The following CCDC42 variants were observed in gnomAD, a reference collection of about 807,000 sequenced individuals.
The protein encoded by CCDC42 is coiled-coil domain containing 42.
Under a neutral mutation model 40.8 loss-of-function variants are expected in CCDC42, and 38 were observed. The observed-to-expected ratio is 0.93, with a 90% CI of 0.72 to 1.22. CCDC42 has a LOEUF of 1.22. Ranked by LOEUF, CCDC42 falls within the 50% of genes most tolerant of loss-of-function variation. The pLI, the probability that CCDC42 is intolerant of heterozygous loss-of-function variation, is 0.00. For missense variants in CCDC42, 379 were observed against 416.5 expected, an observed-to-expected ratio of 0.91 and a Z score of 0.78; for synonymous variants, 135 against 157.5, an observed-to-expected ratio of 0.86 and a Z score of 1.07.
At chr17:8,743,785 C>T (rs749468444) in intron 2 of CCDC42, 55 bp from the exon 3 acceptor site, 15 of 1,015,694 alleles carry the variant, frequency 1.5e-5, no homozygotes, top group Non-Finnish European at 2.3e-5. Flanking sequence ...GACATGAGTA[C>T]CAAGGAAGAC....
chr17:8,737,636 G>A (rs1005944506), intron 4 of CCDC42, among the ~76,000 whole-genome samples: 3 of 152,136 alleles, frequency 2.0e-5, no homozygotes, highest in African/African-American at 7.2e-5. Flanking sequence ...CGACCAGTGA[G>A]GAAACCAATA....
At position 8,744,085 on chromosome 17, in the gene CCDC42, C is replaced by A; in HGVS notation, c.183G>T (p.Lys61Asn). Residue 61 changes from lysine to asparagine, a missense_variant, in exon 2 of 7, where the codon AAG becomes AAT. Lys to Asn is a moderately conservative substitution (Grantham distance 94). Coordinates refer to ENST00000293845, the MANE Select transcript of CCDC42 (RefSeq NM_144681.3). ...TCCATCCCTGAGTCCCCACCTTCTT[C>A]TTCTGCACCATAGTTTGATGCATGA... ...TEIMHQTMVQ[K>N]KKMFQRRMET... 1.9e-6 allele frequency: 3 copies of A among 1,612,256 alleles called. No homozygotes were observed. The highest frequency in any genetic ancestry group is 2.5e-6 in the Non-Finnish European group (3 of 1,178,802).
chr17:8,730,661 C>G (rs2086575088), intron 6 of CCDC42, among the ~76,000 whole-genome samples: 1 of 152,140 alleles, frequency 6.6e-6, no homozygotes. Flanking sequence ...CTTGAGGAGG[C>G]CACTTTCTCT....
intron 2 of CCDC42, 46 bp downstream of exon 2, chr17:8,744,033 C>A: frequency 2.1e-6 from 3 of 1,416,292 alleles, no homozygotes; most frequent in Non-Finnish European, 3.0e-6. Flanking sequence ...CCCCAGCCCA[C>A]CCCCTTCCTT....
chr17:8,735,109 T>C lies in CCDC42; in HGVS notation c.860A>G (p.Lys287Arg). ...VTEVALEDTHKQLDMIQQFIQ... is the reference protein window; with the variant it reads ...VTEVALEDTHRQLDMIQQFIQ... The stretch of plus-strand genomic sequence containing the variant: ...CCCTCCTCCTACCATGTCCAGCTGC[T>C]TGTGGGTGTCCTCCAGTGCCACCTC... Residue 287 changes from lysine (K) to arginine (R), a missense_variant, in exon 6 of 7, where the codon AAG becomes AGG. Coordinates refer to ENST00000293845, the MANE Select transcript of CCDC42 (RefSeq NM_144681.3). This position sits in a 1 kb window ranked among gnomAD's most constrained non-coding sequence, Gnocchi z 4.7. 6.2e-7 allele frequency: 1 copy of C among 1,614,142 alleles called. No individual in the cohort carries two copies. The highest frequency in any genetic ancestry group is 8.5e-7 in the Non-Finnish European group (1 of 1,180,008).
chr17:8,736,297 G>C (rs2152142981), intron 4 of CCDC42, among the ~76,000 whole-genome samples: 1 of 152,330 alleles, frequency 6.6e-6, no homozygotes, highest in East Asian at 1.9e-4. Context: ...CTTCACGTTG[G>C]TGATCTCTGG....
intron 4 of CCDC42, among the ~76,000 whole-genome samples, chr17:8,741,052 A>G (rs1487192641): frequency 2.6e-5 from 4 of 152,108 alleles, no homozygotes; most frequent in Admixed American, 2.0e-4. Flanking sequence ...CAGTAAACAG[A>G]AGACACTGAG....
At chr17:8,744,206 G>C (rs1329163871) in intron 1 of CCDC42, 22 bp from the exon 2 acceptor site, 1 of 1,579,170 alleles carries the variant, frequency 6.3e-7, no homozygotes, top group Non-Finnish European at 8.7e-7. Context: ...GTGAACGCGA[G>C]AGGGCTGTGT....
At position 8,744,561 on chromosome 17, in the gene CCDC42, G is replaced by A; in HGVS notation, c.49C>T (p.Leu17=). The change falls in exon 1 of 7, where the codon CTG becomes TTG. Residue 17 remains leucine (L), a synonymous_variant. Coordinates refer to ENST00000293845, the MANE Select transcript of CCDC42 (RefSeq NM_144681.3). ...TGCAGCAGCCGCTCCCCATACTGCA[G>A]CCGGAAGTACTCGGCCAGGTCTTCC... ...EEEDLAEYFR[L]QYGERLLQML... 1.2e-6 allele frequency: 2 copies of A among 1,612,580 alleles called. No individual in the cohort carries two copies. Among genetic ancestry groups the A allele is most frequent in the Non-Finnish European group, 1.7e-6 (2 of 1,180,000 alleles).
In CCDC42 at chr17:8,730,005, G is replaced by T; in HGVS notation, c.*125C>A. The T allele has an allele frequency of 1.3e-6, 1 of 770,458 alleles. No homozygotes were observed. The highest frequency in any genetic ancestry group is 2.2e-6 in the Non-Finnish European group (1 of 444,620). 47.7% of individuals were successfully genotyped at this position (770,458 alleles called of 1,614,324 possible). ...GAGTGAGGCCCACGGGGGAAAATAAGCAGGTGTCCCTCAGCAGGAAGGCAC... is the reference window on the plus strand; with the variant it reads ...GAGTGAGGCCCACGGGGGAAAATAATCAGGTGTCCCTCAGCAGGAAGGCAC... On this transcript the variant is annotated 3_prime_UTR_variant, in exon 7 of 7. Coordinates refer to ENST00000293845, the MANE Select transcript of CCDC42 (RefSeq NM_144681.3).
In CCDC42 at chr17:8,733,321, C is replaced by T. The variant is rs559966922; in HGVS notation, c.873+1775G>A. Among the ~76,000 whole-genome samples, 39 of 152,230 alleles carry T rather than the reference C, an allele frequency of 2.6e-4. No individual in the cohort carries two copies. In the Middle Eastern group the frequency reaches 0.01, roughly 40 times the overall value. Reference sequence around the variant, plus strand: ...TTTCCGTGAGTAGGTTCATCTCCTACGGGAATGAAGTGAGATATTTTCTAA... The same window carrying T: ...TTTCCGTGAGTAGGTTCATCTCCTATGGGAATGAAGTGAGATATTTTCTAA... On this transcript the variant is annotated intron_variant, in intron 6 of 6. Coordinates refer to ENST00000293845, the MANE Select transcript of CCDC42 (RefSeq NM_144681.3).
rs200645490 is a variant in CCDC42 at position 8,744,225 on chromosome 17, A to G, written c.84-41T>C. 37 of 1,502,988 alleles carry G rather than the reference A, an allele frequency of 2.5e-5. 1 individual carries two copies. The highest frequency in any genetic ancestry group is 1.4e-4 in the Admixed American group (8 of 58,198). The allele number at this position is 1,502,988 out of a possible 1,614,324, so 93.1% of individuals were successfully genotyped here. ...ACGCGAGAGGGCTGTGTGTTCTGAC[A>G]TGGGGTAGGCTGGGGCTGGGAGTAA... On this transcript the variant is annotated intron_variant, in intron 1 of 6. Coordinates refer to ENST00000293845, the MANE Select transcript of CCDC42 (RefSeq NM_144681.3).
chr17:8,731,968 T>C (rs375528321), intron 6 of CCDC42, among the ~76,000 whole-genome samples: 16 of 141,724 alleles, frequency 1.1e-4, no homozygotes, highest in East Asian at 6.3e-4. Flanking sequence ...ATCGAGACCA[T>C]CCTGACTAAC....
intron 4 of CCDC42, among the ~76,000 whole-genome samples, chr17:8,738,675 A>G (rs1323621213): frequency 2.0e-5 from 3 of 152,158 alleles, no homozygotes; most frequent in Admixed American, 2.0e-4. Flanking sequence ...CGTGTTGGCC[A>G]GGGTGGTCTC....
intron 6 of CCDC42, among the ~76,000 whole-genome samples, chr17:8,732,294 G>A (rs112094919): frequency 0.43 from 40,609 of 93,840 alleles, 7,693 homozygotes; most frequent in Middle Eastern, 0.54. Context: ...GTGAGACTCC[G>A]TCTCAAAAAA....
intron 4 of CCDC42, among the ~76,000 whole-genome samples, chr17:8,737,656 C>T (rs1014540873): frequency 6.6e-6 from 1 of 152,162 alleles, no homozygotes; most frequent in Non-Finnish European, 1.5e-5. Context: ...ATTCTGACTT[C>T]TATCAATAAA....
At chr17:8,738,341 G>A (rs374646483) in intron 4 of CCDC42, among the ~76,000 whole-genome samples, 1 of 152,242 alleles carries the variant, frequency 6.6e-6, no homozygotes, top group African/African-American at 2.4e-5. Context: ...ATCATTATTA[G>A]AATCAGGTAA....
chr17:8,743,985 C>G lies in CCDC42; in HGVS notation c.189+94G>C, dbSNP rs182712909. 1.5e-4 allele frequency: 150 copies of G among 1,000,244 alleles called. 1 individual carries two copies. In the East Asian group the frequency reaches 3.4e-3, roughly 23 times the overall value. 62.0% of individuals were successfully genotyped at this position (1,000,244 alleles called of 1,614,324 possible). A position where few individuals can be genotyped will look rare whatever the true frequency, so the allele number is the denominator to read the frequency against. On this transcript the variant is annotated intron_variant, in intron 2 of 6. Transcript: ENST00000293845. ...AGGACTCCTGGCTCTAGCCACCCCA[C>G]TCAGACAATGGAGGGCTGTCCACAG...
At chr17:8,736,610 G>A (rs537409029) in intron 4 of CCDC42, among the ~76,000 whole-genome samples, 27 of 152,312 alleles carry the variant, frequency 1.8e-4, no homozygotes, top group African/African-American at 5.8e-4. Context: ...TGATGGATGC[G>A]TGTCCTGGGA....
Sources: allele counts gnomAD v4.1 joint callset (sites outside exome capture counted in the v4.1 genomes callset), GRCh38; gene constraint gnomAD v4.1.1; non-coding constraint Gnocchi (gnomAD v3.1); transcripts MANE v1.5; gene names NCBI Gene and HGNC (gene_info 2026-07-23, HGNC 2026-07-21).